ANXA8: variants seen among roughly 807,000 people sequenced by gnomAD.
ANXA8 encodes annexin A8, also known as VAC-beta.
ANXA8 carries 9 observed loss-of-function variants against 26.8 expected under a neutral mutation model. The ratio of observed to expected loss-of-function variants is 0.34; its 90% CI spans 0.20 to 0.59. The LOEUF (loss-of-function observed/expected upper bound fraction) is 0.59, where lower values mean the gene tolerates loss of function less well. Ranked by LOEUF, ANXA8 falls within the 20% of genes least tolerant of loss-of-function variation. The probability of loss-of-function intolerance (pLI) is 0.84; values close to 1 mark genes in which losing one functional copy is unlikely to be tolerated. For missense variants in ANXA8, 83 were observed against 238.5 expected (o/e 0.35, Z 4.29); for synonymous variants, 39 against 94.8 (o/e 0.41, Z 3.42).
At chr10:47,571,092 C>T in the ANXA8 span, among the ~76,000 whole-genome samples, 145 of 139,566 alleles carry the variant, frequency 1.0e-3, 2 homozygotes, top group East Asian at 0.017. Context: ...TAATAGCCTT[C>T]ATAATTTTCA....
At chr10:47,639,129 T>A in the ANXA8 span, among the ~76,000 whole-genome samples, 2 of 149,202 alleles carry the variant, frequency 1.3e-5, no homozygotes, top group African/African-American at 5.1e-5. Context: ...TGTTTTTGTT[T>A]TTTTTCTTTT....
chr10:47,707,273 T>C, the ANXA8 span, among the ~76,000 whole-genome samples: 1 of 143,932 alleles, frequency 6.9e-6, no homozygotes, highest in Non-Finnish European at 1.6e-5. Flanking sequence ...AGGATTCTTA[T>C]TTCTGATCAA....
At chr10:47,616,887 T>C in the ANXA8 span, among the ~76,000 whole-genome samples, 176 of 66,986 alleles carry the variant, frequency 2.6e-3, 16 homozygotes, top group African/African-American at 7.8e-3. Flanking sequence ...GTACAGGTAA[T>C]TGAGGTCAGT....
chr10:47,559,142 C>CTTGTTTTTTTTTTTTTTTT, the ANXA8 span, among the ~76,000 whole-genome samples: 1 of 73,312 alleles, frequency 1.4e-5, no homozygotes, highest in Non-Finnish European at 2.5e-5. Flanking sequence ...TGGAGTCTTA[C>CTTGTTTTTTTTTTTTTTTT]TTTTTTTTTT....
chr10:47,491,578 T>C, the ANXA8 span: 7 of 1,503,366 alleles, frequency 4.7e-6, no homozygotes, highest in East Asian at 1.1e-4. Context: ...CCAGCCCAGG[T>C]AGAAAGGAGC....
chr10:47,625,683 C>T, the ANXA8 span, among the ~76,000 whole-genome samples: 20 of 152,122 alleles, frequency 1.3e-4, no homozygotes, highest in African/African-American at 3.9e-4. Context: ...CGAATTTGGG[C>T]CTCTACAACA....
the ANXA8 span, among the ~76,000 whole-genome samples, chr10:47,580,753 CA>C: frequency 1.9e-4 from 11 of 57,726 alleles, no homozygotes; most frequent in East Asian, 3.1e-4. Flanking sequence ...AAAAACAAAA[CA>C]AAAAAAAAAA....
chr10:47,689,609 A>G, the ANXA8 span: 1 of 504,652 alleles, frequency 2.0e-6, no homozygotes, highest in Admixed American at 3.6e-5. Context: ...TTTTTGACTC[A>G]GTTATATTTT....
the ANXA8 span, among the ~76,000 whole-genome samples, chr10:47,651,756 T>C: frequency 6.6e-6 from 1 of 151,956 alleles, no homozygotes; most frequent in South Asian, 2.1e-4. Flanking sequence ...TAGCCGAACA[T>C]GGTGGCTTAT....
the ANXA8 span, among the ~76,000 whole-genome samples, chr10:47,516,233 G>A: frequency 1.8e-3 from 141 of 80,526 alleles, 2 homozygotes; most frequent in African/African-American, 6.9e-3. Flanking sequence ...AGAAGAGATA[G>A]TCTGCAGGTT....
chr10:47,743,283 C>CACACATATATATACATAT, the ANXA8 span, among the ~76,000 whole-genome samples: 14 of 81,976 alleles, frequency 1.7e-4, no homozygotes, highest in East Asian at 2.4e-3. Context: ...TATATACACA[C>CACACATATATATACATAT]ATATATATAT....
chr10:47,558,001 T>G, the ANXA8 span, among the ~76,000 whole-genome samples: 3 of 151,950 alleles, frequency 2.0e-5, no homozygotes, highest in Non-Finnish European at 2.9e-5. Context: ...TCATTAGACT[T>G]GAGCATACTA....
chr10:47,703,164 C>T, the ANXA8 span, among the ~76,000 whole-genome samples: 2 of 151,714 alleles, frequency 1.3e-5, no homozygotes, highest in African/African-American at 4.8e-5. Context: ...CTTTACAAAT[C>T]CTTACTGATA....
At chr10:47,600,259 A>G in the ANXA8 span, among the ~76,000 whole-genome samples, 148 of 145,636 alleles carry the variant, frequency 1.0e-3, no homozygotes, top group African/African-American at 2.6e-3. Flanking sequence ...TGTGAACACC[A>G]TCCTATTGCG....
chr10:47,577,647 C>T, the ANXA8 span, among the ~76,000 whole-genome samples: 1 of 129,902 alleles, frequency 7.7e-6, no homozygotes, highest in East Asian at 2.1e-4. Context: ...GCACTCCAGC[C>T]TGGTTGACAG....
the ANXA8 span, among the ~76,000 whole-genome samples, chr10:47,974,114 C>G: frequency 6.6e-6 from 1 of 150,920 alleles, no homozygotes; most frequent in South Asian, 2.1e-4. Flanking sequence ...TATCAGTATG[C>G]CATACTGTTC....
the ANXA8 span, among the ~76,000 whole-genome samples, chr10:47,649,284 C>A: frequency 6.6e-6 from 1 of 151,616 alleles, no homozygotes; most frequent in East Asian, 1.9e-4. Flanking sequence ...TTTATTTATC[C>A]GAATTATTCC....
chr10:47,578,018 AAG>A, the ANXA8 span, among the ~76,000 whole-genome samples: 27 of 49,834 alleles, frequency 5.4e-4, no homozygotes, highest in African/African-American at 1.4e-3. Context: ...AAAAAAAAAA[AAG>A]AAAAAGAATG....
the ANXA8 span, among the ~76,000 whole-genome samples, chr10:47,647,539 G>A: frequency 6.0e-5 from 9 of 149,188 alleles, no homozygotes; most frequent in Non-Finnish European, 1.2e-4. Context: ...AGATAGACCT[G>A]TATGACTTCA....
Sources: gnomAD v4.1 joint callset for allele counts (sites outside exome capture counted in the v4.1 genomes callset) on GRCh38, gnomAD v4.1.1 for gene constraint, MANE v1.5 for transcripts, NCBI Gene and HGNC (gene_info 2026-07-23, HGNC 2026-07-21) for gene names.